The following RCOR1 variants were observed in gnomAD, a reference collection of about 807,000 sequenced individuals.
RCOR1 encodes REST corepressor.
Under a neutral mutation model 64.0 loss-of-function variants are expected in RCOR1, and 12 were observed. The ratio of observed to expected loss-of-function variants is 0.19; its 90% CI spans 0.12 to 0.30. The LOEUF is 0.30. Ranked by LOEUF, RCOR1 falls within the 10% of genes least tolerant of loss-of-function variation. RCOR1 has a pLI of 1.00. For synonymous variants in RCOR1, 279 were observed against 227.2 expected (o/e 1.23, Z -2.05); for missense variants, 502 against 621.2 (o/e 0.81, Z 2.04).
intron 2 of RCOR1, among the ~76,000 whole-genome samples, chr14:102,620,372 A>T (rs1893850093): frequency 7.6e-6 from 1 of 131,960 alleles, no homozygotes; most frequent in South Asian, 2.8e-4. Flanking sequence ...GTTCAATACC[A>T]GCCTGACCAA....
In RCOR1 at chr14:102,658,502, G is replaced by T. The variant is rs989936059; in HGVS notation, c.362-23393G>T. 5 of 980,890 alleles carry T rather than the reference G, an allele frequency of 5.1e-6. No individual in the cohort carries two copies. The African/African-American group carries it at 5.3e-5, about 10-fold the overall frequency. The allele number at this position is 980,890 out of a possible 1,614,324, so 60.8% of individuals were successfully genotyped here. On this transcript the variant is annotated intron_variant, in intron 2 of 11. Coordinates refer to ENST00000262241, the MANE Select transcript of RCOR1 (RefSeq NM_015156.4). Reference sequence around the variant, plus strand: ...CTCTGAAAAAAATAATAATAAAAATGGTTTTCTTACTTTTATGACTTGAAT... The same window carrying T: ...CTCTGAAAAAAATAATAATAAAAATTGTTTTCTTACTTTTATGACTTGAAT...
intron 2 of RCOR1, among the ~76,000 whole-genome samples, chr14:102,637,130 T>G (rs574126856): frequency 6.9e-6 from 1 of 145,144 alleles, no homozygotes; most frequent in African/African-American, 2.6e-5. Context: ...TTTGTTTTTT[T>G]ATTTTTTTTT....
At chr14:102,669,001 A>G (rs1316283887) in intron 2 of RCOR1, among the ~76,000 whole-genome samples, 2 of 152,218 alleles carry the variant, frequency 1.3e-5, no homozygotes, top group African/African-American at 4.8e-5. Context: ...AAGAGATAAG[A>G]GAGAACCAGA....
At chr14:102,656,953 T>G in intron 2 of RCOR1, 1 of 287,660 alleles carries the variant, frequency 3.5e-6, no homozygotes, top group Non-Finnish European at 5.2e-6. Context: ...TTTTTGTATT[T>G]TTAGTAGAGA....
At position 102,709,901 on chromosome 14, in the gene RCOR1, A is replaced by T. The variant is rs116628757; in HGVS notation, c.780-1034A>T. 6.9e-3 allele frequency among the ~76,000 whole-genome samples: 1,052 copies of T among 152,066 alleles called. 11 individuals carry two copies. Among genetic ancestry groups the T allele is most frequent in the African/African-American group, 0.024 (1,011 of 41,468 alleles). On this transcript the variant is annotated intron_variant, in intron 6 of 11. Coordinates refer to ENST00000262241, the MANE Select transcript of RCOR1 (RefSeq NM_015156.4). ...AATACCTGCCAACACTTCCATTCTT[A>T]CTCCCTGGAGGCTTTTTTTTTGCAT...
At chr14:102,685,545 C>G (rs1243919128) in intron 3 of RCOR1, among the ~76,000 whole-genome samples, 1 of 150,312 alleles carries the variant, frequency 6.7e-6, no homozygotes, top group African/African-American at 2.5e-5. Flanking sequence ...TGCAGTTGTG[C>G]GATCTTGGCT....
intron 2 of RCOR1, among the ~76,000 whole-genome samples, chr14:102,598,831 G>C (rs1305953784): frequency 6.6e-6 from 1 of 151,622 alleles, no homozygotes; most frequent in Non-Finnish European, 1.5e-5. Flanking sequence ...TACCATTTGT[G>C]TTTACACTGA....
chr14:102,695,143 G>A (rs142546266), intron 3 of RCOR1, among the ~76,000 whole-genome samples: 199 of 152,268 alleles, frequency 1.3e-3, no homozygotes, highest in African/African-American at 4.5e-3. Flanking sequence ...TTGCACTTGA[G>A]ACTTACTGAG....
At chr14:102,669,476 C>A (rs575450438) in intron 2 of RCOR1, among the ~76,000 whole-genome samples, 1 of 152,226 alleles carries the variant, frequency 6.6e-6, no homozygotes, top group Admixed American at 6.5e-5. Context: ...GAAAAATGTT[C>A]TTTACATTCT....
chr14:102,669,769 A>G (rs1234932086), intron 2 of RCOR1, among the ~76,000 whole-genome samples: 2 of 152,216 alleles, frequency 1.3e-5, no homozygotes, highest in African/African-American at 2.4e-5. Context: ...AGCAATAGTA[A>G]TCATATATAC....
chr14:102,647,236 G>A (rs1309504175), intron 2 of RCOR1, among the ~76,000 whole-genome samples: 1 of 152,220 alleles, frequency 6.6e-6, no homozygotes, highest in East Asian at 1.9e-4. Flanking sequence ...TACAGCAGTG[G>A]ACTGAGAATC....
intron 2 of RCOR1, among the ~76,000 whole-genome samples, chr14:102,635,495 CTT>C (rs1461377349): frequency 6.6e-5 from 10 of 151,878 alleles, no homozygotes; most frequent in African/African-American, 2.4e-4. Context: ...CAGAGTGAGA[CTT>C]TGTCTCAAAA....
chr14:102,658,116 A>G (rs955147633), intron 2 of RCOR1: 8 of 206,834 alleles, frequency 3.9e-5, no homozygotes, highest in Non-Finnish European at 6.8e-5. Context: ...TTGGGATTAC[A>G]GATGCCCACC....
At chr14:102,694,824 G>A (rs1895611425) in intron 3 of RCOR1, among the ~76,000 whole-genome samples, 1 of 152,232 alleles carries the variant, frequency 6.6e-6, no homozygotes, top group African/African-American at 2.4e-5. Context: ...AATAATAAAA[G>A]ATGCCACAAT....
At chr14:102,612,350 C>T (rs540806132) in intron 2 of RCOR1, among the ~76,000 whole-genome samples, 6 of 151,748 alleles carry the variant, frequency 4.0e-5, no homozygotes, top group Non-Finnish European at 7.4e-5. Context: ...ATTACAGGTG[C>T]GCGCCACCAC....
At chr14:102,655,962 C>CACACACAT (rs1894714549) in intron 2 of RCOR1, 1 of 977,312 alleles carries the variant, frequency 1.0e-6, no homozygotes, top group African/African-American at 1.8e-5. Context: ...CACACACACA[C>CACACACAT]ACACACACAC....
rs535757480 is a variant in RCOR1, at chr14:102,656,342, T to C, written c.362-25553T>C. On this transcript the variant is annotated intron_variant, in intron 2 of 11. Transcript: ENST00000262241. ...TCAGTAGAGGTAGGGTTTCACCATG[T>C]AGGCCAGGCTGGTCTCAAACTCCTG... Among the ~76,000 whole-genome samples the C allele has an allele frequency of 1.7e-3, 254 of 152,282 alleles. 1 individual carries two copies. Among genetic ancestry groups the C allele is most frequent in the Non-Finnish European group, 2.9e-3 (197 of 68,000 alleles).
intron 7 of RCOR1, among the ~76,000 whole-genome samples, chr14:102,712,340 G>A (rs200274105): frequency 2.2e-4 from 34 of 151,632 alleles, no homozygotes; most frequent in African/African-American, 7.3e-4. Context: ...ATGCCACCAC[G>A]CCCTGCTAGG....
intron 2 of RCOR1, among the ~76,000 whole-genome samples, chr14:102,608,289 T>A (rs945439374): frequency 6.6e-6 from 1 of 152,194 alleles, no homozygotes; most frequent in Non-Finnish European, 1.5e-5. Context: ...TCTGGAACTT[T>A]CACGTAAATG....
Sources: gnomAD v4.1 joint callset for allele counts (sites outside exome capture counted in the v4.1 genomes callset) on GRCh38, gnomAD v4.1.1 for gene constraint, MANE v1.5 for transcripts, NCBI Gene and HGNC (gene_info 2026-07-23, HGNC 2026-07-21) for gene names.